The following ARID1A variants were observed in gnomAD, a reference collection of about 807,000 sequenced individuals.
ARID1A encodes AT-rich interaction domain 1A.
In ARID1A, 20 loss-of-function variants were observed where a neutral mutation model predicts 212.6. The ratio of observed to expected loss-of-function variants is 0.09; its 90% CI spans 0.07 to 0.14. The LOEUF (loss-of-function observed/expected upper bound fraction) is 0.14, where lower values mean the gene tolerates loss of function less well. Among genes scored for constraint, ARID1A ranks in the 10% least tolerant of loss-of-function variants. The pLI, the probability that ARID1A is intolerant of heterozygous loss-of-function variation, is 1.00. For missense variants in ARID1A, 2,587 were observed against 3,059.0 expected, an observed-to-expected ratio of 0.85 and a Z score of 3.64; for synonymous variants, 1,376 against 1,222.1, an observed-to-expected ratio of 1.13 and a Z score of -2.63.
rs200806701 is a variant in ARID1A, at chr1:26,731,394, G to A, written c.1593G>A (p.Pro531=). Residue 531 remains proline (P), a synonymous_variant, in exon 3 of 20, where the codon CCG becomes CCA. Coordinates refer to ENST00000324856, the MANE Select transcript of ARID1A (RefSeq NM_006015.6). The stretch of plus-strand genomic sequence containing the variant: ...CCCAGCCTCCACATCAGCAGTCCCC[G>A]GCTCCATACCCCTCCCAGCAGTCGA... ...QPSQPPHQQS[P]APYPSQQSTT... is the part of the protein sequence containing the mutation. The A allele has an allele frequency of 2.2e-5, 35 of 1,613,498 alleles. No individual in the cohort carries two copies. The highest frequency in any genetic ancestry group is 5.4e-5 in the African/African-American group (4 of 74,730).
chr1:26,754,614 C>T (rs2124030620), intron 4 of ARID1A, among the ~76,000 whole-genome samples: 1 of 152,284 alleles, frequency 6.6e-6, no homozygotes, highest in East Asian at 1.9e-4. Flanking sequence ...AAGGTCACAA[C>T]TGATAAGTAC....
intron 1 of ARID1A, among the ~76,000 whole-genome samples, chr1:26,713,352 T>C (rs899691458): frequency 6.6e-6 from 1 of 151,524 alleles, no homozygotes; most frequent in African/African-American, 2.4e-5. Context: ...ATCATTTTGG[T>C]GAAGATTGAT....
chr1:26,779,515 C>T lies in ARID1A; in HGVS notation c.5617C>T (p.Pro1873Ser), dbSNP rs1190429858. ...GCTGCTGCCTTCCCGGCCTCACGCA[C>T]CCTGCCCACCAGCCCCTCGGAAGCA... ...TELLPSRPHA[P>S]CPPAPRKHVT... The change falls in exon 20 of 20, where the codon CCC becomes TCC. Residue 1873 changes from proline (P) to serine (S), a missense_variant. Around this residue, in one of 11 missense-constraint regions of ARID1A, gnomAD observed 890 missense variants for 1,098.2 expected, o/e 0.81. Transcript: ENST00000324856. 1 of 1,614,136 alleles carries T rather than the reference C, an allele frequency of 6.2e-7. No individual in the cohort carries two copies. Among genetic ancestry groups the T allele is most frequent in the Non-Finnish European group, 8.5e-7 (1 of 1,180,028 alleles).
intron 8 of ARID1A, chr1:26,764,913 G>A (rs757363611): frequency 2.0e-5 from 3 of 152,188 alleles, no homozygotes; most frequent in Non-Finnish European, 4.4e-5. Flanking sequence ...TTGAGCTATT[G>A]TGGCCGGGTG....
intron 1 of ARID1A, among the ~76,000 whole-genome samples, chr1:26,725,536 C>G (rs2080607965): frequency 6.6e-6 from 1 of 152,086 alleles, no homozygotes. Context: ...AAATAAGCTG[C>G]ATATTCTGTT....
chr1:26,761,583 C>A, intron 6 of ARID1A, 110 bp downstream of exon 6: 1 of 1,030,504 alleles, frequency 9.7e-7, no homozygotes, highest in Non-Finnish European at 1.5e-6. Context: ...ACAATCCCTG[C>A]AGCAAATTGT....
At chr1:26,714,908 C>T (rs779299728) in intron 1 of ARID1A, among the ~76,000 whole-genome samples, 2 of 152,114 alleles carry the variant, frequency 1.3e-5, no homozygotes, top group Non-Finnish European at 2.9e-5. Flanking sequence ...TATCAACATA[C>T]AGTACTTGAT....
At chr1:26,758,417 C>T (rs1570600150) in intron 4 of ARID1A, among the ~76,000 whole-genome samples, 1 of 152,024 alleles carries the variant, frequency 6.6e-6, no homozygotes, top group Non-Finnish European at 1.5e-5. Flanking sequence ...CCCTTCTCTA[C>T]ACACACACAA....
At position 26,766,305 on chromosome 1, in the gene ARID1A, C is replaced by T. The variant is rs753102240; in HGVS notation, c.2817C>T (p.Gly939=). The T allele has an allele frequency of 1.2e-6, 2 of 1,614,056 alleles. No individual in the cohort carries two copies. Among genetic ancestry groups the T allele is most frequent in the Non-Finnish European group, 1.7e-6 (2 of 1,180,020 alleles). The part of the protein sequence containing the change: ...PYGQGINSMA[G]MINPQGPPYS... ...GACAAGGGATTAATAGTATGGCTGG[C>T]ATGATCAACCCTCAGGGACCCCCAT... Residue 939 remains glycine (G), a synonymous_variant, in exon 9 of 20, where the codon GGC becomes GGT. Transcript: ENST00000324856.
At chr1:26,767,697 C>T (rs1004139180) in intron 10 of ARID1A, 93 bp from the exon 11 acceptor site, 3 of 1,284,724 alleles carry the variant, frequency 2.3e-6, no homozygotes, top group Non-Finnish European at 3.2e-6. Flanking sequence ...GAGTAAGAAG[C>T]TTTAACACTG....
At chr1:26,716,748 C>A (rs1031994204) in intron 1 of ARID1A, among the ~76,000 whole-genome samples, 2 of 152,146 alleles carry the variant, frequency 1.3e-5, no homozygotes, top group African/African-American at 2.4e-5. Context: ...GCCTCAGCCT[C>A]CCGAGTAGCT....
At chr1:26,756,998 G>A (rs935491875) in intron 4 of ARID1A, among the ~76,000 whole-genome samples, 5 of 152,046 alleles carry the variant, frequency 3.3e-5, no homozygotes, top group South Asian at 2.1e-4. Flanking sequence ...CACTGCGCCC[G>A]GCCCAATATC....
At chr1:26,726,286 C>T (rs188588136) in intron 1 of ARID1A, among the ~76,000 whole-genome samples, 7 of 150,812 alleles carry the variant, frequency 4.6e-5, no homozygotes, top group Admixed American at 4.6e-4. Context: ...GATTCTCATA[C>T]CTCAGCCTCC....
Position 26,780,781 on chromosome 1 carries a change from C to CCGT in ARID1A, c.*25_*26insCGT, listed in dbSNP as rs1553153822. 6.5e-7 allele frequency: 1 copy of CCGT among 1,539,956 alleles called. No homozygotes were observed. The highest frequency in any genetic ancestry group is 8.7e-7 in the Non-Finnish European group (1 of 1,144,490). On this transcript the variant is annotated 3_prime_UTR_variant, in exon 20 of 20. Transcript: ENST00000324856. The surrounding 1 kb of genome is among the most constrained non-coding windows in gnomAD (Gnocchi z 7.2). ...ACAGCCGTGGGACACCTCCCCCCCC[C>CCGT]GTGTGTGTGTGCGTGTGTGGAGAAC...
At position 26,696,871 on chromosome 1, in the gene ARID1A, G is replaced by T. The variant is rs2124741994; in HGVS notation, c.468G>T (p.Arg156=). The change falls in exon 1 of 20, where the codon CGG becomes CGT. Residue 156 remains arginine, a synonymous_variant. Transcript: ENST00000324856. ...PAYGFGQPYG[R]SPSAVAAAAA... is the part of the protein sequence containing the mutation. ...ACGGCTTCGGGCAACCCTACGGCCG[G>T]AGCCCGTCTGCCGTCGCCGCCGCCG... The T allele has an allele frequency of 7.4e-7, 1 of 1,360,418 alleles. No individual in the cohort carries two copies. The allele number at this position is 1,360,418 out of a possible 1,614,324, so 84.3% of individuals were successfully genotyped here.
chr1:26,696,559 A>C lies in ARID1A; in HGVS notation c.156A>C (p.Ala52=). The C allele has an allele frequency of 8.2e-7, 1 of 1,226,852 alleles. No homozygotes were observed. Among genetic ancestry groups the C allele is most frequent in the Middle Eastern group, 3.2e-4 (1 of 3,138 alleles). 76.0% of individuals were successfully genotyped at this position (1,226,852 alleles called of 1,614,324 possible). A position where few individuals can be genotyped will look rare whatever the true frequency, so the allele number is the denominator to read the frequency against. The change falls in exon 1 of 20, where the codon GCA becomes GCC. Residue 52 remains alanine, a synonymous_variant. Coordinates refer to ENST00000324856, the MANE Select transcript of ARID1A (RefSeq NM_006015.6). The stretch of plus-strand genomic sequence containing the variant: ...CGGCCGAGCGCGGGGAAATGAAGGC[A>C]GCCGCCGGGCAGGAAAGCGAGGGCC... ...AAAAERGEMK[A]AAGQESEGPA...
intron 1 of ARID1A, among the ~76,000 whole-genome samples, chr1:26,702,156 G>T (rs1482562800): frequency 6.6e-6 from 1 of 152,074 alleles, no homozygotes; most frequent in Non-Finnish European, 1.5e-5. Context: ...GCCTGGACTT[G>T]CCCTGTAAGT....
chr1:26,757,614 G>GT (rs2080953815), intron 4 of ARID1A, among the ~76,000 whole-genome samples: 1 of 152,000 alleles, frequency 6.6e-6, no homozygotes, highest in African/African-American at 2.4e-5. Context: ...TATCTGAAAT[G>GT]TTTTTATCAT....
At chr1:26,720,218 C>G (rs914180261) in intron 1 of ARID1A, among the ~76,000 whole-genome samples, 1 of 151,344 alleles carries the variant, frequency 6.6e-6, no homozygotes, top group African/African-American at 2.4e-5. Context: ...GCACTGCACT[C>G]CAGCCTGGTG....
Sources: allele counts gnomAD v4.1 joint callset (sites outside exome capture counted in the v4.1 genomes callset), GRCh38; gene constraint gnomAD v4.1.1; regional missense constraint gnomAD v4.1.1; non-coding constraint Gnocchi (gnomAD v3.1); transcripts MANE v1.5; gene names NCBI Gene and HGNC (gene_info 2026-07-23, HGNC 2026-07-21).